Variants in TMEM132D observed in about 807,000 individuals in gnomAD.
The protein encoded by TMEM132D is mature OL transmembrane protein.
In TMEM132D, 21 loss-of-function variants were observed where a neutral mutation model predicts 62.3. That is an observed-to-expected ratio of 0.34 (90% CI 0.24 to 0.49). The LOEUF is 0.49. TMEM132D is among the 20% of genes least tolerant of loss of function. TMEM132D has a pLI of 0.99. For synonymous variants in TMEM132D, 621 were observed against 575.6 expected (o/e 1.08, Z -1.13); for missense variants, 1,346 against 1,402.8 (o/e 0.96, Z 0.65).
chr12:129,669,711 TAA>T (rs1880457684), intron 2 of TMEM132D, among the ~76,000 whole-genome samples: 1 of 95,274 alleles, frequency 1.0e-5, no homozygotes, highest in Non-Finnish European at 2.2e-5. Flanking sequence ...TCTCAAGAAA[TAA>T]AAATAAATAA....
At chr12:129,349,804 C>T (rs533467430) in intron 3 of TMEM132D, among the ~76,000 whole-genome samples, 60 of 152,184 alleles carry the variant, frequency 3.9e-4, no homozygotes, top group Non-Finnish European at 6.8e-4. Context: ...GGTTTCTAAA[C>T]TCTTGCTAAA....
intron 2 of TMEM132D, among the ~76,000 whole-genome samples, chr12:129,605,939 A>G (rs1012179257): frequency 6.6e-6 from 1 of 151,788 alleles, no homozygotes; most frequent in African/African-American, 2.4e-5. Flanking sequence ...TCCAGCTGCA[A>G]CTCCCCTGCT....
intron 1 of TMEM132D, among the ~76,000 whole-genome samples, chr12:129,896,067 T>C (rs1875114274): frequency 6.6e-6 from 1 of 151,748 alleles, no homozygotes; most frequent in South Asian, 2.1e-4. Context: ...CCATCCAGGT[T>C]CCAGCAATCC....
chr12:129,681,154 G>C (rs927243617), intron 2 of TMEM132D, among the ~76,000 whole-genome samples: 2 of 152,192 alleles, frequency 1.3e-5, no homozygotes, highest in African/African-American at 4.8e-5. Context: ...CCACCAGCTG[G>C]TGTATCTACT....
At chr12:129,420,829 C>T (rs548902502) in intron 3 of TMEM132D, among the ~76,000 whole-genome samples, 4 of 152,254 alleles carry the variant, frequency 2.6e-5, no homozygotes, top group Admixed American at 2.6e-4. Flanking sequence ...GGTGAGACAA[C>T]CCAGGAATGT....
chr12:129,747,370 T>A (rs899773138), intron 1 of TMEM132D, among the ~76,000 whole-genome samples: 1 of 151,914 alleles, frequency 6.6e-6, no homozygotes, highest in African/African-American at 2.4e-5. Context: ...GTTTCTCACT[T>A]TTACACATTT....
intron 3 of TMEM132D, among the ~76,000 whole-genome samples, chr12:129,340,721 G>A (rs1869447618): frequency 1.3e-5 from 2 of 152,054 alleles, no homozygotes; most frequent in Non-Finnish European, 2.9e-5. Flanking sequence ...TGGACATTTG[G>A]GTTGGTTCCA....
rs1041404605 is a variant in TMEM132D at position 129,792,366 on chromosome 12, G to A, written c.80-91668C>T. On this transcript the variant is annotated intron_variant, in intron 1 of 8. Coordinates refer to ENST00000422113, the MANE Select transcript of TMEM132D (RefSeq NM_133448.3). ...CCTTAGCTCTCTCCCCTGTAAAACG[G>A]GATCAATGTGTATGTACCCGGTTAT... is the stretch of plus-strand genomic sequence containing the variant. 5.3e-5 allele frequency among the ~76,000 whole-genome samples: 8 copies of A among 152,106 alleles called. No homozygotes were observed. In the East Asian group the frequency reaches 1.5e-3, roughly 29 times the overall value.
At chr12:129,248,659 G>T (rs986965270) in intron 4 of TMEM132D, among the ~76,000 whole-genome samples, 1 of 152,032 alleles carries the variant, frequency 6.6e-6, no homozygotes, top group Non-Finnish European at 1.5e-5. Context: ...CATCACCCAG[G>T]TATTAAGCCT....
At chr12:129,858,933 T>C (rs1389966751) in intron 1 of TMEM132D, among the ~76,000 whole-genome samples, 1 of 88,264 alleles carries the variant, frequency 1.1e-5, no homozygotes, top group Admixed American at 1.5e-4. Flanking sequence ...TGTAACGGAG[T>C]CCGGGGGAAC....
At chr12:129,605,559 C>G (rs191444858) in intron 2 of TMEM132D, among the ~76,000 whole-genome samples, 1 of 131,840 alleles carries the variant, frequency 7.6e-6, no homozygotes, top group Non-Finnish European at 1.6e-5. Context: ...CCACAAGCAG[C>G]CTTTAAATTA....
At chr12:129,567,417 C>T (rs1383433577) in intron 2 of TMEM132D, among the ~76,000 whole-genome samples, 2 of 152,058 alleles carry the variant, frequency 1.3e-5, no homozygotes, top group Non-Finnish European at 2.9e-5. Flanking sequence ...AAGAAGCCAC[C>T]ACGTGACAAG....
chr12:129,272,404 G>T (rs11612420), intron 4 of TMEM132D, among the ~76,000 whole-genome samples: 6,819 of 151,926 alleles, frequency 0.045, 377 homozygotes, highest in Admixed American at 0.15. Context: ...ACTGGATGAA[G>T]TCACTGGAAA....
chr12:129,650,773 G>T (rs970518453), intron 2 of TMEM132D, among the ~76,000 whole-genome samples: 1 of 152,090 alleles, frequency 6.6e-6, no homozygotes, highest in Non-Finnish European at 1.5e-5. Context: ...TTCCTCTTTT[G>T]TGAACTGCCT....
intron 3 of TMEM132D, among the ~76,000 whole-genome samples, chr12:129,519,204 T>C (rs962805170): frequency 6.6e-6 from 1 of 152,196 alleles, no homozygotes; most frequent in East Asian, 1.9e-4. Flanking sequence ...CAGCCCTTTA[T>C]TTTTCCTACC....
At chr12:129,312,857 T>C (rs1424511712) in intron 4 of TMEM132D, among the ~76,000 whole-genome samples, 1 of 152,200 alleles carries the variant, frequency 6.6e-6, no homozygotes, top group Non-Finnish European at 1.5e-5. Flanking sequence ...AGATGAAGCA[T>C]CAGATGTTGG....
chr12:129,352,192 C>G (rs1434561505), intron 3 of TMEM132D, among the ~76,000 whole-genome samples: 2 of 152,072 alleles, frequency 1.3e-5, no homozygotes, highest in Non-Finnish European at 2.9e-5. Flanking sequence ...CTAAACAGAC[C>G]CAGAGTTGGA....
At position 129,325,874 on chromosome 12, in the gene TMEM132D, A is replaced by C. The variant is rs75165058; in HGVS notation, c.1299+11760T>G. ...CAAAGGTCATTGCCAGCTACAGAGC[A>C]AACAAGCTCGACACTGTCCAGTGGA... On this transcript the variant is annotated intron_variant, in intron 4 of 8. Coordinates refer to ENST00000422113, the MANE Select transcript of TMEM132D (RefSeq NM_133448.3). 9.1e-3 allele frequency among the ~76,000 whole-genome samples: 1,388 copies of C among 152,366 alleles called. 30 individuals carry two copies. The highest frequency in any genetic ancestry group is 0.032 in the African/African-American group (1,312 of 41,594).
intron 2 of TMEM132D, among the ~76,000 whole-genome samples, chr12:129,595,038 A>C (rs912356368): frequency 4.6e-5 from 7 of 152,092 alleles, no homozygotes; most frequent in Admixed American, 6.5e-5. Context: ...AAATGTGATA[A>C]AGAGGTTACT....
Sources: allele counts gnomAD v4.1 joint callset (sites outside exome capture counted in the v4.1 genomes callset), GRCh38; gene constraint gnomAD v4.1.1; transcripts MANE v1.5; gene names NCBI Gene and HGNC (gene_info 2026-07-23, HGNC 2026-07-21).